GCN1: variants seen among roughly 807,000 people sequenced by gnomAD.
The protein encoded by GCN1 is GCN1 activator of EIF2AK4, also known as stalled ribosome sensor GCN1.
GCN1 carries 90 observed loss-of-function variants against 288.4 expected under a neutral mutation model. The observed-to-expected ratio is 0.31, with a 90% CI of 0.26 to 0.37. The LOEUF (loss-of-function observed/expected upper bound fraction) is 0.37, where lower values mean the gene tolerates loss of function less well. GCN1 is among the 10% of genes least tolerant of loss of function. GCN1 has a pLI of 1.00. For missense variants in GCN1, 2,586 were observed against 3,419.9 expected, an observed-to-expected ratio of 0.76 and a Z score of 6.08; for synonymous variants, 1,386 against 1,420.2, an observed-to-expected ratio of 0.98 and a Z score of 0.54.
chr12:120,155,053 A>G lies in GCN1; in HGVS notation c.3631-13T>C. 6.2e-7 allele frequency: 1 copy of G among 1,611,788 alleles called. No homozygotes were observed. The highest frequency in any genetic ancestry group is 8.5e-7 in the Non-Finnish European group (1 of 1,177,842). On this transcript the variant is annotated splice_polypyrimidine_tract_variant and intron_variant, in intron 30 of 57. Coordinates refer to ENST00000300648, the MANE Select transcript of GCN1 (RefSeq NM_006836.2). The surrounding 1 kb of genome is among the most constrained non-coding windows in gnomAD (Gnocchi z 4.9). ...CTGGGGGCGGCCGCTGCAACAGACA[A>G]GTTGGTAAATGCTTTGCAACGGGCA...
Position 120,173,676 on chromosome 12 carries a change from T to C in GCN1, c.1343A>G (p.Gln448Arg). The C allele has an allele frequency of 6.2e-7, 1 of 1,611,896 alleles. No individual in the cohort carries two copies. Among genetic ancestry groups the C allele is most frequent in the Non-Finnish European group, 8.5e-7 (1 of 1,177,912 alleles). ...STSAVRHAYL[Q>R]CMLASYRGDT... is the part of the protein sequence containing the mutation. ...ACCCCGGTAAGAGGCCAACATGCACTGCAGGTAGGCATGCCTCACCGCAGA... is the reference window on the plus strand; with the variant it reads ...ACCCCGGTAAGAGGCCAACATGCACCGCAGGTAGGCATGCCTCACCGCAGA... The change falls in exon 14 of 58, where the codon CAG becomes CGG. Residue 448 changes from glutamine (Q) to arginine (R), a missense_variant. Physicochemically the swap from Gln to Arg is conservative, Grantham distance 43 (BLOSUM62 1). Around this residue, in one of 8 missense-constraint regions of GCN1, gnomAD observed 913 missense variants for 1,107.0 expected, o/e 0.82. Transcript: ENST00000300648.
chr12:120,139,918 G>A (rs950186475), intron 45 of GCN1, among the ~76,000 whole-genome samples: 1 of 152,104 alleles, frequency 6.6e-6, no homozygotes, highest in African/African-American at 2.4e-5. Context: ...CCTCAGTAAC[G>A]ATCCCAGCAC....
intron 10 of GCN1, 32 bp downstream of exon 10, chr12:120,176,111 C>T (rs1377049748): frequency 4.0e-6 from 6 of 1,515,346 alleles, no homozygotes; most frequent in South Asian, 3.4e-5. Flanking sequence ...CAAGGTGACA[C>T]TTATGGGCTG....
intron 36 of GCN1, 97 bp downstream of exon 36, chr12:120,149,509 G>A: frequency 2.5e-6 from 2 of 809,408 alleles, no homozygotes; most frequent in Non-Finnish European, 2.2e-6. Context: ...CTGGTCTGGG[G>A]AGCTCACAGG....
intron 33 of GCN1, among the ~76,000 whole-genome samples, chr12:120,152,178 G>A (rs1457895662): frequency 1.3e-5 from 2 of 151,846 alleles, no homozygotes; most frequent in Non-Finnish European, 2.9e-5. Flanking sequence ...CACAGGCATG[G>A]CCTCCACCTC....
rs368961756 is a variant in GCN1, at chr12:120,158,040, C to T, written c.2906-10G>A. On this transcript the variant is annotated splice_polypyrimidine_tract_variant and intron_variant, in intron 25 of 57. Transcript: ENST00000300648. The surrounding 1 kb of genome is among the most constrained non-coding windows in gnomAD (Gnocchi z 4.3). Reference sequence around the variant, plus strand: ...GACAAGGGCGCAGCACCTGTGAGAGCGAGAAGCAGATAAGATTCTGCAGGC... The same window carrying T: ...GACAAGGGCGCAGCACCTGTGAGAGTGAGAAGCAGATAAGATTCTGCAGGC... The T allele has an allele frequency of 1.9e-6, 3 of 1,612,632 alleles. No individual in the cohort carries two copies. The highest frequency in any genetic ancestry group is 1.7e-5 in the Admixed American group (1 of 59,974).
At chr12:120,184,333 A>C in intron 3 of GCN1, 90 bp from the exon 4 acceptor site, 24 of 1,095,436 alleles carry the variant, frequency 2.2e-5, no homozygotes, top group Non-Finnish European at 3.2e-5. Flanking sequence ...GGTCTTTCTC[A>C]GGAGAAACTG....
Position 120,190,328 on chromosome 12 carries a change from T to C in GCN1, c.91A>G (p.Ser31Gly). The stretch of plus-strand genomic sequence containing the variant: ...CCAGCAACACACTTCCCAAGTTCAC[T>C]GAGGATTTCTCTCCGTTCCTTTACA... The part of the protein sequence containing the change: ...ASVKERREIL[S>G]ELGKCVAGKD... The change falls in exon 2 of 58, where the codon AGT becomes GGT. Residue 31 changes from serine to glycine, a missense_variant. Transcript: ENST00000300648. The C allele has an allele frequency of 6.2e-7, 1 of 1,602,122 alleles. No homozygotes were observed. The highest frequency in any genetic ancestry group is 8.6e-7 in the Non-Finnish European group (1 of 1,169,120).
At position 120,153,481 on chromosome 12, in the gene GCN1, AG is replaced by A; in HGVS notation, c.3868-75del. On this transcript the variant is annotated intron_variant, in intron 32 of 57. Coordinates refer to ENST00000300648, the MANE Select transcript of GCN1 (RefSeq NM_006836.2). This position sits in a 1 kb window ranked among gnomAD's most constrained non-coding sequence, Gnocchi z 4.4. ...TCTGGGGACAACAGTCCCTGCCCTG[AG>A]GACCAAGACCAAGTCTAGCTCTGGG... is the stretch of plus-strand genomic sequence containing the variant. 7.4e-7 allele frequency: 1 copy of A among 1,355,366 alleles called. No homozygotes were observed. Among genetic ancestry groups the A allele is most frequent in the South Asian group, 1.3e-5 (1 of 76,216 alleles). The allele number at this position is 1,355,366 out of a possible 1,614,324, so 84.0% of individuals were successfully genotyped here.
At chr12:120,187,958 G>C (rs1878875843) in intron 2 of GCN1, among the ~76,000 whole-genome samples, 1 of 150,910 alleles carries the variant, frequency 6.6e-6, no homozygotes, top group African/African-American at 2.4e-5. Context: ...ATAAGTCATA[G>C]AGCTATCCCT....
intron 2 of GCN1, among the ~76,000 whole-genome samples, chr12:120,189,559 G>C (rs1401990242): frequency 6.6e-6 from 1 of 151,688 alleles, no homozygotes; most frequent in East Asian, 2.0e-4. Context: ...AATAGAGACG[G>C]GGTTTCACCA....
chr12:120,170,606 C>G (rs991129992), intron 14 of GCN1, among the ~76,000 whole-genome samples: 20 of 151,868 alleles, frequency 1.3e-4, no homozygotes, highest in Non-Finnish European at 1.2e-4. Flanking sequence ...GCTGGGAGTT[C>G]GAGATCAGCC....
chr12:120,163,643 C>T (rs141793469), intron 18 of GCN1, among the ~76,000 whole-genome samples: 41 of 152,044 alleles, frequency 2.7e-4, no homozygotes, highest in East Asian at 7.7e-4. Context: ...CTCCCTCCGT[C>T]GGGGGAGACC....
At position 120,158,069 on chromosome 12, in the gene GCN1, G is replaced by C; in HGVS notation, c.2906-39C>G. ...AAGCAGATAAGATTCTGCAGGCAGGGCAGGGACCCGGGCCACTGCTGCCTA... is the reference window on the plus strand; with the variant it reads ...AAGCAGATAAGATTCTGCAGGCAGGCCAGGGACCCGGGCCACTGCTGCCTA... On this transcript the variant is annotated intron_variant, in intron 25 of 57. Transcript: ENST00000300648. The surrounding 1 kb of genome is among the most constrained non-coding windows in gnomAD (Gnocchi z 4.3). 1 of 1,598,348 alleles carries C rather than the reference G, an allele frequency of 6.3e-7. No homozygotes were observed. The highest frequency in any genetic ancestry group is 8.6e-7 in the Non-Finnish European group (1 of 1,168,298).
intron 45 of GCN1, 125 bp downstream of exon 45, chr12:120,140,734 G>A: frequency 1.2e-6 from 1 of 845,106 alleles, no homozygotes; most frequent in Non-Finnish European, 1.8e-6. Flanking sequence ...CCCAGAGTGA[G>A]ACTGGCTCAT....
Position 120,168,257 on chromosome 12 carries a change from T to C in GCN1, c.1563A>G (p.Lys521=), listed in dbSNP as rs373614070. The change falls in exon 16 of 58, where the codon AAA becomes AAG. Residue 521 remains lysine (K), a synonymous_variant. Coordinates refer to ENST00000300648, the MANE Select transcript of GCN1 (RefSeq NM_006836.2). ...SSFWQLIVDE[K]KQVFTSEKFL... ...ATTTCTCAGAAGTGAAAACCTGCTT[T>C]TTCTCATCCACAATCAACTGCCAGA... 2 of 1,610,780 alleles carry C rather than the reference T, an allele frequency of 1.2e-6. No homozygotes were observed. Among genetic ancestry groups the C allele is most frequent in the African/African-American group, 2.7e-5 (2 of 74,854 alleles).
At chr12:120,171,245 C>T (rs1203494474) in intron 14 of GCN1, among the ~76,000 whole-genome samples, 1 of 152,004 alleles carries the variant, frequency 6.6e-6, no homozygotes, top group Admixed American at 6.6e-5. Context: ...GCGAGCAGAT[C>T]ACCCGAGGTC....
At chr12:120,167,166 C>T (rs1321969160) in intron 16 of GCN1, among the ~76,000 whole-genome samples, 3 of 151,362 alleles carry the variant, frequency 2.0e-5, no homozygotes, top group African/African-American at 7.3e-5. Context: ...ATGGAGAAAC[C>T]CCATCTCTAC....
At position 120,161,928 on chromosome 12, in the gene GCN1, A is replaced by T; in HGVS notation, c.2294T>A (p.Ile765Asn). The T allele has an allele frequency of 6.2e-7, 1 of 1,614,172 alleles. No individual in the cohort carries two copies. The highest frequency in any genetic ancestry group is 8.5e-7 in the Non-Finnish European group (1 of 1,180,026). Residue 765 changes from isoleucine (I) to asparagine (N), a missense_variant, in exon 21 of 58, where the codon ATT (isoleucine) becomes AAT (asparagine). Ile to Asn is a moderately radical substitution (Grantham distance 149). This residue lies in a region of GCN1 where 913 missense variants were observed against 1,107.0 expected (regional missense o/e 0.82). Coordinates refer to ENST00000300648, the MANE Select transcript of GCN1 (RefSeq NM_006836.2). Reference sequence around the variant, plus strand: ...CAGCTCCCCAGCAGGGGTCTGCATAATGGCAAACTCCTCCCGCGTCACCAG... The same window carrying T: ...CAGCTCCCCAGCAGGGGTCTGCATATTGGCAAACTCCTCCCGCGTCACCAG... ...LRLVTREEFA[I>N]MQTPAGELYD...
Sources: allele counts gnomAD v4.1 joint callset (sites outside exome capture counted in the v4.1 genomes callset), GRCh38; gene constraint gnomAD v4.1.1; regional missense constraint gnomAD v4.1.1; non-coding constraint Gnocchi (gnomAD v3.1); transcripts MANE v1.5; gene names NCBI Gene and HGNC (gene_info 2026-07-23, HGNC 2026-07-21).